NLRP12: variants seen among roughly 807,000 people sequenced by gnomAD.
NLRP12 encodes NACHT, LRR and PYD domains-containing protein 12.
In NLRP12, 108 loss-of-function variants were observed where a neutral mutation model predicts 91.2. The ratio of observed to expected loss-of-function variants is 1.18; its 90% CI spans 1.01 to 1.39. The LOEUF is 1.39. NLRP12 is among the 40% of genes most tolerant of loss of function. NLRP12 has a pLI of 0.00. For synonymous variants in NLRP12, 613 were observed against 566.7 expected (o/e 1.08, Z -1.16); for missense variants, 1,530 against 1,352.7 (o/e 1.13, Z -2.06).
chr19:53,804,073 C>G lies in NLRP12; in HGVS notation c.2464G>C (p.Val822Leu). The G allele has an allele frequency of 6.2e-7, 1 of 1,614,072 alleles. No individual in the cohort carries two copies. Among genetic ancestry groups the G allele is most frequent in the Non-Finnish European group, 8.5e-7 (1 of 1,180,016 alleles). ...ACCAGATGTGGGTTGGTGCCGAGCA[C>G]AGAAGCCATCTCCTGACAAGCCCCG... ...ESGACQEMAS[V>L]LGTNPHLVEL... Residue 822 changes from valine (V) to leucine (L), a missense_variant, in exon 6 of 10, where the codon GTG becomes CTG. Physicochemically the swap from Val to Leu is conservative, Grantham distance 32. Transcript: ENST00000324134.
intron 8 of NLRP12, among the ~76,000 whole-genome samples, chr19:53,796,874 A>C (rs1479010103): frequency 6.6e-6 from 1 of 151,144 alleles, no homozygotes; most frequent in East Asian, 2.0e-4. Context: ...CATGCCTGTA[A>C]TCCCAGCTAC....
chr19:53,795,297 A>G (rs2091733297), intron 9 of NLRP12, among the ~76,000 whole-genome samples: 1 of 151,884 alleles, frequency 6.6e-6, no homozygotes, highest in Non-Finnish European at 1.5e-5. Context: ...ACCCAGGCAG[A>G]GTAATTCTAG....
chr19:53,823,104 T>TATATACACATATATAC (rs137959316), intron 1 of NLRP12, among the ~76,000 whole-genome samples: 80 of 141,182 alleles, frequency 5.7e-4, no homozygotes, highest in Admixed American at 1.1e-3. Context: ...CACACACATA[T>TATATACACATATATAC]ACACACACAT....
Position 53,809,874 on chromosome 19 carries a change from G to T in NLRP12, c.1785C>A (p.Ile595=). The change falls in exon 3 of 10, where the codon ATC becomes ATA. Residue 595 remains isoleucine (I), a synonymous_variant. Transcript: ENST00000324134. ...AGCCGTCGCTCTGAGCTTTGCTTTG[G>T]ATCCACTGCAACAGGTCCATCTTGA... ...PHIKMDLLQW[I]QSKAQSDGST... 1.2e-6 allele frequency: 2 copies of T among 1,614,080 alleles called. No homozygotes were observed. Among genetic ancestry groups the T allele is most frequent in the Middle Eastern group, 3.3e-4 (2 of 6,062 alleles).
chr19:53,808,904 C>CA (rs1454699420), intron 3 of NLRP12, among the ~76,000 whole-genome samples: 3 of 151,886 alleles, frequency 2.0e-5, no homozygotes, highest in African/African-American at 4.8e-5. Flanking sequence ...TTGTGACCAC[C>CA]AAAAACGTGT....
intron 2 of NLRP12, among the ~76,000 whole-genome samples, chr19:53,813,869 T>TG (rs201495852): frequency 0.014 from 1,680 of 116,074 alleles, 11 homozygotes; most frequent in Middle Eastern, 0.032. Context: ...CGATTTTTTG[T>TG]TTTTTTTTGT....
chr19:53,823,786 G>A (rs1042316290), intron 1 of NLRP12, 100 bp downstream of exon 1: 2 of 1,347,784 alleles, frequency 1.5e-6, no homozygotes, highest in Non-Finnish European at 2.1e-6. Flanking sequence ...CTCACCTCAA[G>A]TGATCTGCCC....
chr19:53,813,310 T>C (rs1020719683), intron 2 of NLRP12, among the ~76,000 whole-genome samples: 1 of 138,026 alleles, frequency 7.2e-6, no homozygotes, highest in East Asian at 2.0e-4. Context: ...TTTTTTTTTT[T>C]TTTTTTTTTT....
intron 1 of NLRP12, among the ~76,000 whole-genome samples, chr19:53,821,673 C>T (rs753773433): frequency 6.6e-6 from 1 of 151,962 alleles, no homozygotes; most frequent in Non-Finnish European, 1.5e-5. Flanking sequence ...GTTTCAACAA[C>T]AACAACAAAA....
At chr19:53,811,338 A>C (rs1211969469) in intron 2 of NLRP12, 50 bp from the exon 3 acceptor site, 3 of 1,605,216 alleles carry the variant, frequency 1.9e-6, no homozygotes, top group African/African-American at 2.7e-5. Flanking sequence ...GCAGCCTCTA[A>C]TGAGTTCACG....
At chr19:53,798,205 A>G (rs779465445) in intron 8 of NLRP12, 38 bp downstream of exon 8, 1 of 1,612,054 alleles carries the variant, frequency 6.2e-7, no homozygotes, top group Non-Finnish European at 8.5e-7. Context: ...CACTGTCCAA[A>G]CGTGACCACT....
At position 53,823,899 on chromosome 19, in the gene NLRP12, C is replaced by T; in HGVS notation, c.276G>A (p.Glu92=). The change falls in exon 1 of 10, where the codon GAG becomes GAA. Residue 92 remains glutamate (E), a synonymous_variant. Coordinates refer to ENST00000324134, the MANE Select transcript of NLRP12 (RefSeq NM_144687.4). ...RKDLWERGQR[E]DLVRDTPPGG... is the part of the protein sequence containing the mutation. ...CCACCTCCTTACCCCTCACCAGGTC[C>T]TCTCTCTGTCCTCTCTCCCACAGGT... 1.9e-6 allele frequency: 3 copies of T among 1,614,022 alleles called. No homozygotes were observed. The highest frequency in any genetic ancestry group is 2.2e-5 in the South Asian group (2 of 91,078).
rs145156267 is a variant in NLRP12 at position 53,811,123 on chromosome 19, G to A, written c.536C>T (p.Thr179Ile). 2.4e-4 allele frequency: 388 copies of A among 1,613,960 alleles called. No individual in the cohort carries two copies. The highest frequency in any genetic ancestry group is 3.1e-4 in the Non-Finnish European group (362 of 1,180,036). The stretch of plus-strand genomic sequence containing the variant: ...CACGGTCCTCGCGTGTCCCCGGCCT[G>A]TGTCCAGAAGCTGCTGCTGGACCTG... ...PMQVQQQLLD[T>I]GRGHARTVGH... Residue 179 changes from threonine (T) to isoleucine (I), a missense_variant, in exon 3 of 10, where the codon ACA becomes ATA. By Grantham distance (89) the Thr-to-Ile change is moderately conservative. Transcript: ENST00000324134.
chr19:53,815,664 A>G (rs1223312198), intron 1 of NLRP12, among the ~76,000 whole-genome samples: 1 of 152,016 alleles, frequency 6.6e-6, no homozygotes, highest in Middle Eastern at 3.2e-3. Context: ...GCTGGAGTGC[A>G]GTGGCACAAT....
chr19:53,810,290 TGGGTG>T lies in NLRP12; in HGVS notation c.1364_1368del (p.Pro455GlnfsTer21). On this transcript the variant is annotated frameshift_variant, in exon 3 of 10. Transcript: ENST00000324134. LOFTEE classifies it high-confidence loss of function. ...GCCAAGGAGCACAACCCTCTCTGGT[TGGGTG>T]GGGGCTGGAGGCGCGGGGCCCCCGG... is the stretch of plus-strand genomic sequence containing the variant. The T allele has an allele frequency of 6.2e-7, 1 of 1,613,932 alleles. No individual in the cohort carries two copies. Among genetic ancestry groups the T allele is most frequent in the South Asian group, 1.1e-5 (1 of 91,076 alleles).
At chr19:53,821,873 C>T (rs2092268717) in intron 1 of NLRP12, among the ~76,000 whole-genome samples, 5 of 152,116 alleles carry the variant, frequency 3.3e-5, no homozygotes, top group Admixed American at 3.3e-4. Context: ...AGGCAGAACA[C>T]AGCATGAACA....
intron 2 of NLRP12, among the ~76,000 whole-genome samples, chr19:53,811,868 C>A (rs566608627): frequency 6.6e-6 from 1 of 152,152 alleles, no homozygotes; most frequent in East Asian, 2.0e-4. Context: ...TCCAGCCCCA[C>A]AAAGTGACTT....
chr19:53,794,097 C>T lies in NLRP12; in HGVS notation c.3138G>A (p.Arg1046=), dbSNP rs750002160. ...GTTTTGTTACTCGAAGCGCTGCCAACCTACTGTGGGTCATTTTATTCAGGT... is the reference window on the plus strand; with the variant it reads ...GTTTTGTTACTCGAAGCGCTGCCAATCTACTGTGGGTCATTTTATTCAGGT... ...GMDLNKMTHS[R]LAALRVTKPY... The change falls in exon 10 of 10, where the codon AGG becomes AGA. Residue 1046 remains arginine, a synonymous_variant. Coordinates refer to ENST00000324134, the MANE Select transcript of NLRP12 (RefSeq NM_144687.4). 6.2e-7 allele frequency: 1 copy of T among 1,614,040 alleles called. No homozygotes were observed. Among genetic ancestry groups the T allele is most frequent in the South Asian group, 1.1e-5 (1 of 91,078 alleles).
chr19:53,798,174 T>C, intron 8 of NLRP12, 69 bp downstream of exon 8: 1 of 1,511,112 alleles, frequency 6.6e-7, no homozygotes, highest in Middle Eastern at 1.7e-4. Flanking sequence ...AATAGAAAAA[T>C]GAAGGATGAG....
Sources: gnomAD v4.1 joint callset for allele counts (sites outside exome capture counted in the v4.1 genomes callset) on GRCh38, gnomAD v4.1.1 for gene constraint, MANE v1.5 for transcripts, NCBI Gene and HGNC (gene_info 2026-07-23, HGNC 2026-07-21) for gene names.